The following WASF3 variants were observed in gnomAD, a reference collection of about 807,000 sequenced individuals.
WASF3 encodes WASP family member 3.
Under a neutral mutation model 46.6 loss-of-function variants are expected in WASF3, and 11 were observed. The observed-to-expected ratio is 0.24, with a 90% CI of 0.15 to 0.39. The LOEUF (loss-of-function observed/expected upper bound fraction) is 0.39. Ranked by LOEUF, WASF3 falls within the 10% of genes least tolerant of loss-of-function variation. The pLI is 1.00. For synonymous variants in WASF3, 242 were observed against 259.7 expected, an observed-to-expected ratio of 0.93 and a Z score of 0.65; for missense variants, 576 against 669.8, an observed-to-expected ratio of 0.86 and a Z score of 1.55.
chr13:26,576,207 C>T (rs1471378691), intron 1 of WASF3, among the ~76,000 whole-genome samples: 5 of 152,086 alleles, frequency 3.3e-5, no homozygotes, highest in Admixed American at 3.3e-4. Flanking sequence ...TCCTCAATGC[C>T]CTTTGTAAAA....
chr13:26,645,002 C>T (rs1216282973), intron 3 of WASF3, among the ~76,000 whole-genome samples: 1 of 152,130 alleles, frequency 6.6e-6, no homozygotes, highest in Non-Finnish European at 1.5e-5. Context: ...GGGCTTACAA[C>T]CCAAAGAGCA....
rs117623776 is a variant in WASF3 at position 26,637,651 on chromosome 13, G to T, written c.-10-4610G>T. ...ATTTTAGCACTGACTAGCCAACTCC[G>T]CTGCTTTTCTGGAATTTTTCCACTG... On this transcript the variant is annotated intron_variant, in intron 2 of 9. Transcript: ENST00000335327. Among the ~76,000 whole-genome samples the T allele has an allele frequency of 7.7e-3, 1,169 of 152,296 alleles. 4 individuals carry two copies. The highest frequency in any genetic ancestry group is 0.014 in the Middle Eastern group (4 of 294).
intron 1 of WASF3, among the ~76,000 whole-genome samples, chr13:26,603,927 G>A (rs1880717431): frequency 6.6e-6 from 1 of 152,222 alleles, no homozygotes; most frequent in Non-Finnish European, 1.5e-5. Context: ...AAATCCCAGT[G>A]GAAAGTAGCA....
At chr13:26,590,695 T>C (rs1003075521) in intron 1 of WASF3, among the ~76,000 whole-genome samples, 15 of 152,194 alleles carry the variant, frequency 9.9e-5, no homozygotes, top group African/African-American at 3.6e-4. Flanking sequence ...GGGAATAAAA[T>C]GCCACATACA....
intron 1 of WASF3, among the ~76,000 whole-genome samples, chr13:26,574,870 T>C (rs1879746509): frequency 6.6e-6 from 1 of 151,616 alleles, no homozygotes; most frequent in African/African-American, 2.4e-5. Context: ...GGAGTCTCGC[T>C]GTGTCACCCA....
chr13:26,677,773 AAC>A (rs1883109952), intron 7 of WASF3, among the ~76,000 whole-genome samples: 1 of 152,234 alleles, frequency 6.6e-6, no homozygotes, highest in Non-Finnish European at 1.5e-5. Flanking sequence ...TAGGAATTAT[AAC>A]ACAGTTCTGC....
chr13:26,623,502 T>G (rs530228491), intron 2 of WASF3, among the ~76,000 whole-genome samples: 100 of 152,290 alleles, frequency 6.6e-4, no homozygotes, highest in South Asian at 2.1e-4. Flanking sequence ...CGAAGGGTAA[T>G]TAATAGCAAA....
chr13:26,656,054 T>C (rs1222285750), intron 3 of WASF3, among the ~76,000 whole-genome samples: 1 of 152,112 alleles, frequency 6.6e-6, no homozygotes, highest in African/African-American at 2.4e-5. Flanking sequence ...GTGCTAAAAT[T>C]TATGAAAGCC....
intron 9 of WASF3, among the ~76,000 whole-genome samples, chr13:26,683,614 G>A (rs890448061): frequency 1.3e-5 from 2 of 151,622 alleles, no homozygotes; most frequent in Non-Finnish European, 2.9e-5. Flanking sequence ...GAAAGAAAGT[G>A]AGCTCATATT....
chr13:26,669,162 G>T (rs896392197), intron 5 of WASF3, among the ~76,000 whole-genome samples: 4 of 149,964 alleles, frequency 2.7e-5, no homozygotes, highest in Non-Finnish European at 5.9e-5. Flanking sequence ...ATATATGTGT[G>T]TGTGTGTGTA....
At chr13:26,587,839 A>G (rs193034832) in intron 1 of WASF3, among the ~76,000 whole-genome samples, 342 of 152,336 alleles carry the variant, frequency 2.2e-3, no homozygotes, top group African/African-American at 7.0e-3. Flanking sequence ...GGTGAATGTC[A>G]GTCACTATTA....
intron 1 of WASF3, among the ~76,000 whole-genome samples, chr13:26,600,570 C>G (rs2137201110): frequency 6.6e-6 from 1 of 152,244 alleles, no homozygotes; most frequent in East Asian, 1.9e-4. Context: ...GCTTTTCATC[C>G]CAGCAGAGAA....
At chr13:26,547,658 T>C in the WASF3 span, among the ~76,000 whole-genome samples, 2 of 152,214 alleles carry the variant, frequency 1.3e-5, no homozygotes, top group African/African-American at 4.8e-5. Flanking sequence ...CTGCTGAAGA[T>C]ACTTCTCCCG....
intron 3 of WASF3, among the ~76,000 whole-genome samples, chr13:26,644,891 T>G (rs1181047969): frequency 1.3e-5 from 2 of 152,118 alleles, no homozygotes; most frequent in Non-Finnish European, 2.9e-5. Flanking sequence ...AGCAGCTGCT[T>G]CTTGACCTGC....
At chr13:26,585,652 A>G (rs1357786913) in intron 1 of WASF3, among the ~76,000 whole-genome samples, 2 of 152,130 alleles carry the variant, frequency 1.3e-5, no homozygotes, top group African/African-American at 4.8e-5. Context: ...ATCTCTGTTG[A>G]TGTTATAAAT....
At chr13:26,573,526 A>G (rs771760797) in intron 1 of WASF3, among the ~76,000 whole-genome samples, 5 of 152,174 alleles carry the variant, frequency 3.3e-5, no homozygotes, top group African/African-American at 7.2e-5. Context: ...AATGTGTTCT[A>G]TGGACTCTGA....
At chr13:26,616,814 G>A (rs1424175331) in intron 2 of WASF3, among the ~76,000 whole-genome samples, 2 of 152,098 alleles carry the variant, frequency 1.3e-5, no homozygotes, top group African/African-American at 4.8e-5. Flanking sequence ...CTGGAGGTTG[G>A]AGATCTGCCA....
chr13:26,619,069 AAGG>A (rs1881226757), intron 2 of WASF3: 1 of 152,224 alleles, frequency 6.6e-6, no homozygotes, highest in Non-Finnish European at 1.5e-5. Flanking sequence ...GTTTGAAACA[AAGG>A]AGAAGCCTAG....
intron 5 of WASF3, among the ~76,000 whole-genome samples, chr13:26,671,140 C>T (rs1445669972): frequency 2.0e-5 from 3 of 152,158 alleles, no homozygotes; most frequent in African/African-American, 4.8e-5. Flanking sequence ...TGGTTTTGAT[C>T]ATGACTTGAT....
Sources: allele counts gnomAD v4.1 joint callset (sites outside exome capture counted in the v4.1 genomes callset), GRCh38; gene constraint gnomAD v4.1.1; transcripts MANE v1.5; gene names NCBI Gene and HGNC (gene_info 2026-07-23, HGNC 2026-07-21).